Variants in PDE3B observed in about 807,000 individuals in gnomAD.
PDE3B encodes the protein phosphodiesterase 3B.
Under a neutral mutation model 116.8 loss-of-function variants are expected in PDE3B, and 66 were observed. That is an observed-to-expected ratio of 0.56 (90% CI 0.46 to 0.69). The LOEUF (loss-of-function observed/expected upper bound fraction) is 0.69. PDE3B is among the 30% of genes least tolerant of loss of function. PDE3B has a pLI of 0.00. For synonymous variants in PDE3B, 595 were observed against 533.6 expected (o/e 1.12, Z -1.59); for missense variants, 1,384 against 1,368.1 (o/e 1.01, Z -0.18).
chr11:14,845,564 C>T (rs1274739767), intron 12 of PDE3B, among the ~76,000 whole-genome samples: 1 of 152,040 alleles, frequency 6.6e-6, no homozygotes, highest in Non-Finnish European at 1.5e-5. Context: ...AAATTCAAAC[C>T]AAAGGCAAAG....
intron 5 of PDE3B, among the ~76,000 whole-genome samples, chr11:14,816,801 T>C (rs776266604): frequency 9.2e-5 from 14 of 152,398 alleles, no homozygotes; most frequent in Middle Eastern, 3.4e-3. Context: ...GCTTAAATGC[T>C]ATTAAGAATT....
At chr11:14,872,810 T>C (rs898860362), downstream of PDE3B, among the ~76,000 whole-genome samples, 3 of 152,166 alleles carry the variant, frequency 2.0e-5, no homozygotes, top group Admixed American at 6.6e-5. Context: ...ACAAATACTA[T>C]ATTTTCATCT....
chr11:14,821,605 C>T lies in PDE3B; in HGVS notation c.1807+2396C>T, dbSNP rs1590172409. Among the ~76,000 whole-genome samples the T allele has an allele frequency of 2.0e-5, 3 of 151,990 alleles. No individual in the cohort carries two copies. The East Asian group carries it at 5.8e-4, about 29-fold the overall frequency. ...CATTGTAGTTATTGCCTTACCTTAC[C>T]AAGAATACTCGAATAGTCTAAATTT... On this transcript the variant is annotated intron_variant, in intron 7 of 15. Coordinates refer to ENST00000282096, the MANE Select transcript of PDE3B (RefSeq NM_000922.4).
chr11:14,816,325 G>T (rs987856776), intron 5 of PDE3B, among the ~76,000 whole-genome samples: 3 of 152,110 alleles, frequency 2.0e-5, no homozygotes, highest in East Asian at 3.8e-4. Flanking sequence ...TGACACCATC[G>T]CACACATCTG....
At chr11:14,649,821 G>C (rs1853518855) in intron 1 of PDE3B, among the ~76,000 whole-genome samples, 2 of 152,324 alleles carry the variant, frequency 1.3e-5, no homozygotes, top group South Asian at 4.1e-4. Flanking sequence ...GAATGGAAGT[G>C]AACTGACTAT....
At position 14,760,724 on chromosome 11, in the gene PDE3B, A is replaced by G. The variant is rs1857337285; in HGVS notation, c.979-11213A>G. ...TCTCTTTCGCATTGCTTAGTTCTCA[A>G]CTTACCCCACAAAAGTAACCACTGT... On this transcript the variant is annotated intron_variant, in intron 1 of 15. Coordinates refer to ENST00000282096, the MANE Select transcript of PDE3B (RefSeq NM_000922.4). 1.3e-5 allele frequency among the ~76,000 whole-genome samples: 2 copies of G among 152,186 alleles called. 1 individual carries two copies. Among genetic ancestry groups the G allele is most frequent in the African/African-American group, 4.8e-5 (2 of 41,452 alleles).
At chr11:14,797,541 A>G (rs149821040) in intron 4 of PDE3B, among the ~76,000 whole-genome samples, 1,805 of 152,258 alleles carry the variant, frequency 0.012, 14 homozygotes, top group Middle Eastern at 0.02. Context: ...TTTTTGTGAT[A>G]TTGATTCTTC....
chr11:14,718,684 T>A (rs1454587538), intron 1 of PDE3B, among the ~76,000 whole-genome samples: 52 of 145,872 alleles, frequency 3.6e-4, no homozygotes, highest in African/African-American at 5.9e-4. Flanking sequence ...GGGTACATAA[T>A]GAAATGAAGG....
rs372300003 is a variant in PDE3B at position 14,823,280 on chromosome 11, A to G, written c.1807+4071A>G. On this transcript the variant is annotated intron_variant, in intron 7 of 15. Coordinates refer to ENST00000282096, the MANE Select transcript of PDE3B (RefSeq NM_000922.4). ...TAGACTGCTTTTTCACATGGGTCCC[A>G]GATCTTATTTCTTTTCACTGGGCAG... Among the ~76,000 whole-genome samples, 4 of 152,152 alleles carry G rather than the reference A, an allele frequency of 2.6e-5. No homozygotes were observed. In the East Asian group the frequency reaches 5.8e-4, roughly 22 times the overall value.
chr11:14,866,029 G>C (rs1848039072), intron 14 of PDE3B, among the ~76,000 whole-genome samples: 1 of 151,958 alleles, frequency 6.6e-6, no homozygotes, highest in African/African-American at 2.4e-5. Context: ...ACCTTGGTTG[G>C]GTAAGTTACT....
chr11:14,701,224 T>C (rs951466460), intron 1 of PDE3B, among the ~76,000 whole-genome samples: 1 of 151,780 alleles, frequency 6.6e-6, no homozygotes, highest in African/African-American at 2.4e-5. Context: ...AATTAATAAG[T>C]TTCACTATTT....
At chr11:14,800,038 A>G (rs1446431057) in intron 4 of PDE3B, among the ~76,000 whole-genome samples, 1 of 152,050 alleles carries the variant, frequency 6.6e-6, no homozygotes, top group Non-Finnish European at 1.5e-5. Flanking sequence ...GGTCTTTACA[A>G]TTTGGTATGT....
intron 1 of PDE3B, among the ~76,000 whole-genome samples, chr11:14,695,921 G>A (rs1392271006): frequency 2.0e-5 from 3 of 152,006 alleles, no homozygotes; most frequent in Non-Finnish European, 4.4e-5. Flanking sequence ...TCATTGATGG[G>A]CATTTGGGTT....
the PDE3B span, chr11:14,878,427 G>T: frequency 1.1e-6 from 1 of 901,578 alleles, no homozygotes; most frequent in Non-Finnish European, 1.7e-6. Context: ...GTTTATTAAA[G>T]GATTTTCTTA....
intron 4 of PDE3B, 114 bp downstream of exon 4, chr11:14,789,356 T>C (rs1361609563): frequency 1.3e-6 from 1 of 747,002 alleles, no homozygotes; most frequent in African/African-American, 1.8e-5. Flanking sequence ...GTATTTTAGG[T>C]ATAGGACAAC....
At chr11:14,692,915 C>T (rs981571105) in intron 1 of PDE3B, among the ~76,000 whole-genome samples, 3 of 152,162 alleles carry the variant, frequency 2.0e-5, no homozygotes, top group Admixed American at 6.6e-5. Flanking sequence ...AGCTGACATA[C>T]ACCAAAATGC....
chr11:14,850,255 G>T (rs1242886824), intron 12 of PDE3B, among the ~76,000 whole-genome samples: 2 of 151,560 alleles, frequency 1.3e-5, no homozygotes, highest in Non-Finnish European at 2.9e-5. Context: ...ACCAAACACC[G>T]CATATTCTCA....
At chr11:14,721,239 A>G (rs1856064659) in intron 1 of PDE3B, among the ~76,000 whole-genome samples, 1 of 152,236 alleles carries the variant, frequency 6.6e-6, no homozygotes, top group Non-Finnish European at 1.5e-5. Flanking sequence ...ATCTCACACC[A>G]GTTAGAATGG....
chr11:14,739,697 G>C (rs1590105644), intron 1 of PDE3B, among the ~76,000 whole-genome samples: 1 of 152,200 alleles, frequency 6.6e-6, no homozygotes, highest in Non-Finnish European at 1.5e-5. Context: ...CAAATGGAAT[G>C]CTTCCAGTTT....
Sources: allele counts gnomAD v4.1 joint callset (sites outside exome capture counted in the v4.1 genomes callset), GRCh38; gene constraint gnomAD v4.1.1; transcripts MANE v1.5; gene names NCBI Gene and HGNC (gene_info 2026-07-23, HGNC 2026-07-21).